Variants in DPH6 observed in about 807,000 individuals in gnomAD.
DPH6 encodes diphthamine biosynthesis 6.
A neutral mutation model predicts 38.2 loss-of-function variants in DPH6; 33 were observed. The observed-to-expected ratio is 0.86, with a 90% CI of 0.65 to 1.15. The LOEUF is 1.15. DPH6 is among the 50% of genes most tolerant of loss of function. DPH6 has a pLI of 0.00. For synonymous variants in DPH6, 108 were observed against 103.0 expected (o/e 1.05, Z -0.30); for missense variants, 325 against 320.0 (o/e 1.02, Z -0.12).
rs183719256 is a variant in DPH6 at position 35,359,483 on chromosome 15, T to C, written n.207+14038A>G. 7.2e-4 allele frequency among the ~76,000 whole-genome samples: 110 copies of C among 152,296 alleles called. 1 individual carries two copies. The highest frequency in any genetic ancestry group is 2.5e-3 in the African/African-American group (104 of 41,574). On this transcript the variant is annotated intron_variant and non_coding_transcript_variant, in intron 3 of 3. Coordinates refer to the DPH6 transcript ENST00000558973. ...AGTTTTACTCCCTGCTTCTCTCCCA[T>C]TGGATCCCTGTGGTGCCAGGCAGGA...
At chr15:35,335,709 T>C (rs920669521) in intron 3 of DPH6, among the ~76,000 whole-genome samples, 2 of 152,190 alleles carry the variant, frequency 1.3e-5, no homozygotes, top group African/African-American at 2.4e-5. Flanking sequence ...TGCAGACTTA[T>C]TTCTGAGTTC....
intron 3 of DPH6, among the ~76,000 whole-genome samples, chr15:35,353,193 G>A (rs1012431755): frequency 2.6e-5 from 4 of 152,122 alleles, no homozygotes; most frequent in African/African-American, 7.2e-5. Context: ...TTTGTCAGAT[G>A]AGTAGATTGC....
intron 3 of DPH6, among the ~76,000 whole-genome samples, chr15:35,232,694 C>A (rs1294460169): frequency 6.6e-6 from 1 of 152,142 alleles, no homozygotes; most frequent in Non-Finnish European, 1.5e-5. Flanking sequence ...AGAACTTCTG[C>A]AACACTTTTT....
chr15:35,377,912 C>T (rs72703158), intron 7 of DPH6, among the ~76,000 whole-genome samples: 7,759 of 151,374 alleles, frequency 0.051, 261 homozygotes, highest in Middle Eastern at 0.12. Context: ...CAATGTTGCC[C>T]AGGTTGGAGT....
chr15:35,337,294 C>A (rs1408974761), intron 3 of DPH6, among the ~76,000 whole-genome samples: 1 of 151,992 alleles, frequency 6.6e-6, no homozygotes, highest in Non-Finnish European at 1.5e-5. Flanking sequence ...GTGGTGATAC[C>A]CCCTTTATCA....
At chr15:35,502,172 A>G (rs2054635962) in intron 3 of DPH6, among the ~76,000 whole-genome samples, 1 of 152,082 alleles carries the variant, frequency 6.6e-6, no homozygotes, top group East Asian at 1.9e-4. Context: ...TGTGGCCATT[A>G]TTACATCGGC....
intron 6 of DPH6, among the ~76,000 whole-genome samples, chr15:35,390,819 T>C (rs1292206755): frequency 2.0e-5 from 3 of 152,208 alleles, no homozygotes; most frequent in Non-Finnish European, 2.9e-5. Context: ...AGTTTGATCT[T>C]CTGAAGCCTT....
intron 3 of DPH6, among the ~76,000 whole-genome samples, chr15:35,470,402 G>A (rs2141124883): frequency 6.6e-6 from 1 of 152,216 alleles, no homozygotes; most frequent in East Asian, 1.9e-4. Context: ...AAAGTTCACT[G>A]GATTTGGTCA....
intron 3 of DPH6, among the ~76,000 whole-genome samples, chr15:35,332,528 T>C (rs1010224542): frequency 6.6e-6 from 1 of 152,174 alleles, no homozygotes; most frequent in Non-Finnish European, 1.5e-5. Flanking sequence ...ATTGTCTTAA[T>C]TGTACTTTTT....
At chr15:35,250,219 A>C (rs2051663843) in intron 3 of DPH6, among the ~76,000 whole-genome samples, 1 of 151,866 alleles carries the variant, frequency 6.6e-6, no homozygotes, top group African/African-American at 2.4e-5. Flanking sequence ...AAAAAAATAA[A>C]AAAAATAAAA....
At chr15:35,496,555 CAAAAAA>C (rs1180094812) in intron 3 of DPH6, among the ~76,000 whole-genome samples, 13 of 49,254 alleles carry the variant, frequency 2.6e-4, no homozygotes, top group Non-Finnish European at 3.8e-4. Flanking sequence ...AGTTCCATCT[CAAAAAA>C]AAAAAAATAT....
chr15:35,439,653 G>A (rs775001511), intron 5 of DPH6, among the ~76,000 whole-genome samples: 2 of 152,110 alleles, frequency 1.3e-5, no homozygotes, highest in Non-Finnish European at 2.9e-5. Context: ...TTCCTAACCT[G>A]TGGTGAGTAA....
intron 5 of DPH6, among the ~76,000 whole-genome samples, chr15:35,429,695 T>A (rs1477414953): frequency 6.6e-6 from 1 of 152,076 alleles, no homozygotes; most frequent in Admixed American, 6.6e-5. Context: ...TTTATAGATA[T>A]ACAGAATATG....
exon 4 of DPH6, chr15:35,217,722 C>G (rs969764688): frequency 6.6e-6 from 1 of 152,194 alleles, no homozygotes. Flanking sequence ...TGTCCCAGAG[C>G]CATTTCAGCA....
chr15:35,524,380 GAC>G (rs1178584522), intron 3 of DPH6, among the ~76,000 whole-genome samples: 2 of 152,106 alleles, frequency 1.3e-5, no homozygotes, highest in Non-Finnish European at 1.5e-5. Flanking sequence ...AACAAGATCA[GAC>G]ACAGACAGAT....
chr15:35,282,512 T>G (rs2051905879), intron 3 of DPH6: 3 of 200,358 alleles, frequency 1.5e-5, no homozygotes, highest in Non-Finnish European at 3.2e-5. Flanking sequence ...AAGCTCAGTC[T>G]TGGCAGACTG....
intron 3 of DPH6, among the ~76,000 whole-genome samples, chr15:35,360,414 G>GGCCCATTA (rs1020738769): frequency 6.6e-6 from 1 of 152,178 alleles, no homozygotes; most frequent in Non-Finnish European, 1.5e-5. Context: ...GCAGATGGCA[G>GGCCCATTA]GCCCATTAGC....
rs1297678962 is a variant in DPH6, at chr15:35,376,111, A to C, written c.663-2503T>G. On this transcript the variant is annotated intron_variant, in intron 7 of 8. Transcript: ENST00000256538. ...ATTGCATTTATAGCCCTTTCATAAC[A>C]CATCCACTACATTATAATTATGTGT... 2.6e-5 allele frequency among the ~76,000 whole-genome samples: 4 copies of C among 152,088 alleles called. No individual in the cohort carries two copies. The East Asian group carries it at 7.7e-4, about 29-fold the overall frequency.
chr15:35,368,812 T>G (rs2052684999), downstream of DPH6, among the ~76,000 whole-genome samples: 1 of 151,734 alleles, frequency 6.6e-6, no homozygotes, highest in African/African-American at 2.4e-5. Flanking sequence ...GAGAATGACA[T>G]GTATTGGTAG....
Sources: allele counts gnomAD v4.1 joint callset (sites outside exome capture counted in the v4.1 genomes callset), GRCh38; gene constraint gnomAD v4.1.1; transcripts MANE v1.5; gene names NCBI Gene and HGNC (gene_info 2026-07-23, HGNC 2026-07-21).